SH3GL3: variants seen among roughly 807,000 people sequenced by gnomAD.
SH3GL3 encodes SH3 domain containing GRB2 like 3, endophilin A3, also known as endophilin-A3.
A neutral mutation model predicts 47.7 loss-of-function variants in SH3GL3; 33 were observed. The ratio of observed to expected loss-of-function variants is 0.69; its 90% CI spans 0.52 to 0.92. The LOEUF (loss-of-function observed/expected upper bound fraction) is 0.92, where lower values mean the gene tolerates loss of function less well. Among genes scored for constraint, SH3GL3 ranks in the 40% least tolerant of loss-of-function variants. SH3GL3 has a pLI of 0.00. For missense variants in SH3GL3, 363 were observed against 417.8 expected (o/e 0.87, Z 1.14); for synonymous variants, 155 against 148.8 (o/e 1.04, Z -0.30).
intron 1 of SH3GL3, among the ~76,000 whole-genome samples, chr15:83,511,179 G>T (rs1340272120): frequency 1.3e-5 from 2 of 152,088 alleles, no homozygotes; most frequent in Non-Finnish European, 2.9e-5. Context: ...TCGGAAGAAC[G>T]GATTAAATAA....
At chr15:83,510,029 A>C (rs1226724953) in intron 1 of SH3GL3, among the ~76,000 whole-genome samples, 1 of 151,916 alleles carries the variant, frequency 6.6e-6, no homozygotes, top group African/African-American at 2.4e-5. Flanking sequence ...GTATGTGTTC[A>C]CCCATCAATG....
At chr15:83,484,308 A>C (rs1468497341) in intron 1 of SH3GL3, among the ~76,000 whole-genome samples, 1 of 152,314 alleles carries the variant, frequency 6.6e-6, no homozygotes, top group East Asian at 1.9e-4. Context: ...TTTATTGAGG[A>C]AATCGTACTA....
chr15:83,512,957 T>A (rs2042828848), intron 1 of SH3GL3, among the ~76,000 whole-genome samples: 1 of 152,238 alleles, frequency 6.6e-6, no homozygotes, highest in Admixed American at 6.5e-5. Flanking sequence ...CATTTGAAAA[T>A]AATCTTTTGG....
intron 1 of SH3GL3, among the ~76,000 whole-genome samples, chr15:83,539,884 T>C (rs1357654437): frequency 6.6e-6 from 1 of 152,090 alleles, no homozygotes; most frequent in African/African-American, 2.4e-5. Flanking sequence ...ATTTTTGAGG[T>C]ATGGTGTAAA....
At position 83,588,760 on chromosome 15, in the gene SH3GL3, T is replaced by G; in HGVS notation, c.827T>G (p.Val276Gly). ...ELNGVSTTSV[V>G]KTTGSNIPMD... ...AATGGAGTTTCCACCACCTCTGTAGTGAAGACGACAGGTAAGTTGACCATT... is the reference window on the plus strand; with the variant it reads ...AATGGAGTTTCCACCACCTCTGTAGGGAAGACGACAGGTAAGTTGACCATT... Residue 276 changes from valine (V) to glycine (G), a missense_variant, in exon 8 of 9, where the codon GTG becomes GGG. Val to Gly is a moderately radical substitution (Grantham distance 109). Coordinates refer to ENST00000427482, the MANE Select transcript of SH3GL3 (RefSeq NM_003027.5). 3.8e-6 allele frequency: 6 copies of G among 1,580,532 alleles called. No homozygotes were observed. Among genetic ancestry groups the G allele is most frequent in the Non-Finnish European group, 4.4e-6 (5 of 1,149,336 alleles).
At chr15:83,601,066 T>C (rs2060366597) in intron 8 of SH3GL3, among the ~76,000 whole-genome samples, 4 of 152,332 alleles carry the variant, frequency 2.6e-5, no homozygotes, top group Admixed American at 2.6e-4. Context: ...TGAATTCATT[T>C]ATCAGTTCTA....
At position 83,559,047 on chromosome 15, in the gene SH3GL3, T is replaced by C. The variant is rs531769781; in HGVS notation, c.46-206T>C. 3.3e-5 allele frequency among the ~76,000 whole-genome samples: 5 copies of C among 152,370 alleles called. No homozygotes were observed. In the East Asian group the frequency reaches 9.6e-4, roughly 29 times the overall value. ...TGTTTTACACATAGTAGGTGCATAA[T>C]AAATATCTGTTGACTGCATGAGAAA... On this transcript the variant is annotated intron_variant, in intron 1 of 8. Transcript: ENST00000427482.
intron 1 of SH3GL3, among the ~76,000 whole-genome samples, chr15:83,481,606 A>G (rs909219424): frequency 3.3e-5 from 5 of 152,214 alleles, no homozygotes; most frequent in Non-Finnish European, 5.9e-5. Context: ...AAACAATGCA[A>G]TCTTTAATCA....
intron 6 of SH3GL3, among the ~76,000 whole-genome samples, chr15:83,579,500 C>G (rs139625367): frequency 3.2e-4 from 48 of 152,316 alleles, no homozygotes; most frequent in African/African-American, 1.1e-3. Context: ...AGGCTCTTCC[C>G]TCCTTCCTGC....
At chr15:83,610,082 A>G (rs1380841376) in intron 8 of SH3GL3, among the ~76,000 whole-genome samples, 1 of 152,198 alleles carries the variant, frequency 6.6e-6, no homozygotes, top group Non-Finnish European at 1.5e-5. Context: ...TGGGACCTGG[A>G]CAGACCTTCC....
chr15:83,574,203 C>T (rs2059610173), intron 5 of SH3GL3, among the ~76,000 whole-genome samples: 1 of 152,078 alleles, frequency 6.6e-6, no homozygotes, highest in Non-Finnish European at 1.5e-5. Context: ...GGATGCCTGT[C>T]CAGGCAATGT....
intron 6 of SH3GL3, among the ~76,000 whole-genome samples, chr15:83,586,644 A>T (rs939090510): frequency 6.6e-6 from 1 of 152,208 alleles, no homozygotes; most frequent in African/African-American, 2.4e-5. Flanking sequence ...TTCGTTTGTA[A>T]CTGGAAGAGC....
chr15:83,622,541 C>T (rs1018466200), downstream of SH3GL3, among the ~76,000 whole-genome samples: 3 of 152,236 alleles, frequency 2.0e-5, no homozygotes, highest in Non-Finnish European at 4.4e-5. Context: ...CAATTTACAT[C>T]GGATTACTGA....
At chr15:83,498,925 G>T (rs899432743) in intron 1 of SH3GL3, among the ~76,000 whole-genome samples, 2 of 152,120 alleles carry the variant, frequency 1.3e-5, no homozygotes, top group Non-Finnish European at 2.9e-5. Context: ...TATCCCTTTG[G>T]ACCAGGTCCA....
chr15:83,489,865 A>AGATAGATG, intron 1 of SH3GL3, among the ~76,000 whole-genome samples: 1 of 150,856 alleles, frequency 6.6e-6, no homozygotes, highest in East Asian at 1.9e-4. Flanking sequence ...ATAGATAGAT[A>AGATAGATG]GATAGATAGA....
chr15:83,557,216 T>C (rs2045008691), intron 1 of SH3GL3, among the ~76,000 whole-genome samples: 1 of 152,222 alleles, frequency 6.6e-6, no homozygotes, highest in South Asian at 2.1e-4. Flanking sequence ...TAACTTTCCT[T>C]AGATCCTCAG....
intron 1 of SH3GL3, among the ~76,000 whole-genome samples, chr15:83,557,521 G>A (rs11854806): frequency 0.079 from 11,984 of 152,236 alleles, 515 homozygotes; most frequent in Middle Eastern, 0.14. Context: ...AAGCAATACC[G>A]TTTATTGGAC....
chr15:83,501,343 T>C (rs1455002568), intron 1 of SH3GL3, among the ~76,000 whole-genome samples: 1 of 152,144 alleles, frequency 6.6e-6, no homozygotes, highest in Non-Finnish European at 1.5e-5. Flanking sequence ...TTTAGATTCA[T>C]GATTAGTACA....
At chr15:83,594,168 T>C (rs1238675253) in intron 8 of SH3GL3, among the ~76,000 whole-genome samples, 1 of 152,190 alleles carries the variant, frequency 6.6e-6, no homozygotes, top group Non-Finnish European at 1.5e-5. Context: ...TAGTCATAAA[T>C]AGTTTGAAGA....
Sources: allele counts gnomAD v4.1 joint callset (sites outside exome capture counted in the v4.1 genomes callset), GRCh38; gene constraint gnomAD v4.1.1; transcripts MANE v1.5; gene names NCBI Gene and HGNC (gene_info 2026-07-23, HGNC 2026-07-21).